Variants in MED22 observed in about 807,000 individuals in gnomAD.
The protein encoded by MED22 is mediator of RNA polymerase II transcription subunit 22.
Under a neutral mutation model 22.7 loss-of-function variants are expected in MED22, and 22 were observed. That is an observed-to-expected ratio of 0.97 (90% CI 0.69 to 1.38). The LOEUF (loss-of-function observed/expected upper bound fraction) is 1.38. Ranked by LOEUF, MED22 falls within the 40% of genes most tolerant of loss-of-function variation. MED22 has a pLI of 0.00. For missense variants in MED22, 247 were observed against 263.0 expected (o/e 0.94, Z 0.42); for synonymous variants, 134 against 119.4 (o/e 1.12, Z -0.80).
intron 4 of MED22, chr9:133,342,737 C>T (rs1050461361): frequency 2.0e-6 from 2 of 985,828 alleles, no homozygotes; most frequent in Non-Finnish European, 2.4e-6. Flanking sequence ...GGAGGGGACA[C>T]AGGCTGGCCT....
rs2119053555 is a variant in MED22 at position 133,339,527 on chromosome 9, CTATT to C, written c.*1974_*1977del. Reference sequence around the variant, plus strand: ...AGAAAAAAAATAGGCATTAAAAAAACTATTTGGGGAACAACTGAAGAAATCTGAA... The same window carrying C: ...AGAAAAAAAATAGGCATTAAAAAAACTGGGGAACAACTGAAGAAATCTGAA... On this transcript the variant is annotated 3_prime_UTR_variant, in exon 5 of 5. Coordinates refer to ENST00000343730, the MANE Select transcript of MED22 (RefSeq NM_133640.5). 3.6e-6 allele frequency: 2 copies of C among 557,854 alleles called. No homozygotes were observed. Among genetic ancestry groups the C allele is most frequent in the East Asian group, 7.1e-5 (2 of 28,316 alleles). The allele number at this position is 557,854 out of a possible 1,614,324, so 34.6% of individuals were successfully genotyped here. A position where few individuals can be genotyped will look rare whatever the true frequency, so the allele number is the denominator to read the frequency against.
chr9:133,346,250 T>A (rs1373107438), intron 2 of MED22, among the ~76,000 whole-genome samples: 1 of 152,154 alleles, frequency 6.6e-6, no homozygotes, highest in African/African-American at 2.4e-5. Flanking sequence ...ATTGGCTGTG[T>A]GCCAGGCCCC....
chr9:133,347,806 T>G, intron 1 of MED22, 116 bp downstream of exon 1: 1 of 207,860 alleles, frequency 4.8e-6, no homozygotes, highest in Non-Finnish European at 9.8e-6. Context: ...GTGTGGGAAA[T>G]AAGTCACACG....
intron 4 of MED22, chr9:133,343,106 GA>G (rs1427248567): frequency 9.9e-7 from 1 of 1,010,080 alleles, no homozygotes; most frequent in Non-Finnish European, 1.2e-6. Flanking sequence ...GAACCCCCTG[GA>G]AAACTCTAGG....
At chr9:133,346,050 A>G (rs1052787853) in intron 2 of MED22, among the ~76,000 whole-genome samples, 3 of 152,244 alleles carry the variant, frequency 2.0e-5, no homozygotes, top group African/African-American at 7.2e-5. Context: ...CACTAAGTAC[A>G]TGCTAGCTTC....
At chr9:133,347,862 C>G (rs1836240133) in intron 1 of MED22, 60 bp downstream of exon 1, 1 of 144,692 alleles carries the variant, frequency 6.9e-6, no homozygotes, top group African/African-American at 2.6e-5. Context: ...CCCACCCACC[C>G]CCACTCCCGC....
intron 2 of MED22, among the ~76,000 whole-genome samples, 187 bp from the exon 3 acceptor site, chr9:133,345,439 T>C (rs116144541): frequency 6.6e-6 from 1 of 152,138 alleles, no homozygotes; most frequent in African/African-American, 2.4e-5. Flanking sequence ...AATTCCACCC[T>C]CTCTTGTTCT....
Position 133,340,411 on chromosome 9 carries a change from C to T in MED22, c.*1094G>A, listed in dbSNP as rs1835973810. On this transcript the variant is annotated 3_prime_UTR_variant, in exon 5 of 5. Coordinates refer to ENST00000343730, the MANE Select transcript of MED22 (RefSeq NM_133640.5). ...GCCTCCCCCATGAGAAGATGAAGCA[C>T]ATGGATGGTGCTGGAGGAACTGGGG... is the stretch of plus-strand genomic sequence containing the variant. The T allele has an allele frequency of 6.6e-6, 1 of 152,198 alleles. No homozygotes were observed. The highest frequency in any genetic ancestry group is 1.5e-5 in the Non-Finnish European group (1 of 68,188). The allele number at this position is 152,198 out of a possible 1,614,324, so 9.4% of individuals were successfully genotyped here. A position where few individuals can be genotyped will look rare whatever the true frequency, so the allele number is the denominator to read the frequency against.
rs1835983100 is a variant in MED22 at position 133,340,860 on chromosome 9, A to G, written c.*645T>C. Reference sequence around the variant, plus strand: ...TGCTCGGACAACTGCTGGGAGACCAAGGATGGTCCTGGACTGACAAGGAAT... The same window carrying G: ...TGCTCGGACAACTGCTGGGAGACCAGGGATGGTCCTGGACTGACAAGGAAT... On this transcript the variant is annotated 3_prime_UTR_variant, in exon 5 of 5. Transcript: ENST00000343730. 6.6e-6 allele frequency: 1 copy of G among 152,344 alleles called. No individual in the cohort carries two copies. The highest frequency in any genetic ancestry group is 2.4e-5 in the African/African-American group (1 of 41,484). The allele number at this position is 152,344 out of a possible 1,614,324, so 9.4% of individuals were successfully genotyped here. A position where few individuals can be genotyped will look rare whatever the true frequency, so the allele number is the denominator to read the frequency against.
At position 133,343,797 on chromosome 9, in the gene MED22, C is replaced by T. The variant is rs190651732; in HGVS notation, c.413+328G>A. ...TAACAGGAGCAGCACAGCCCCAGAA[C>T]GCACTGCCCGAGGAGGAAGGCTCTC... On this transcript the variant is annotated intron_variant, in intron 4 of 4. Coordinates refer to ENST00000343730, the MANE Select transcript of MED22 (RefSeq NM_133640.5). The T allele has an allele frequency of 1.7e-5, 24 of 1,388,414 alleles. No individual in the cohort carries two copies. The Admixed American group carries it at 3.9e-4, about 22-fold the overall frequency. The allele number at this position is 1,388,414 out of a possible 1,614,324, so 86.0% of individuals were successfully genotyped here.
chr9:133,347,576 C>T (rs1462048277), intron 1 of MED22: 1 of 152,332 alleles, frequency 6.6e-6, no homozygotes, highest in Non-Finnish European at 1.5e-5. Context: ...CATGGTTCCC[C>T]GGTGCGCCGG....
At chr9:133,342,577 G>A in intron 4 of MED22, 2 of 986,490 alleles carry the variant, frequency 2.0e-6, no homozygotes, top group Non-Finnish European at 1.2e-6. Flanking sequence ...AGGGAGCGGA[G>A]CGCCCTTTGG....
intron 2 of MED22, 88 bp from the exon 3 acceptor site, chr9:133,345,340 A>C: frequency 7.6e-7 from 1 of 1,310,388 alleles, no homozygotes; most frequent in Non-Finnish European, 1.1e-6. Flanking sequence ...GGTAACTGTC[A>C]TCTACCCAGG....
rs200758209 is a variant in MED22, at chr9:133,341,602, G to C, written c.506C>G (p.Pro169Arg). Reference sequence around the variant, plus strand: ...ACTGGGCTCCGGGGACGCCAGCAGAGGGGCCGAGAGGCCATCAGCAGAGTC... The same window carrying C: ...ACTGGGCTCCGGGGACGCCAGCAGACGGGCCGAGAGGCCATCAGCAGAGTC... ...DTDSADGLSAPLLASPEPSAG... is the reference protein window; with the variant it reads ...DTDSADGLSARLLASPEPSAG... Residue 169 changes from proline (P) to arginine (R), a missense_variant, in exon 5 of 5, where the codon CCT becomes CGT. Physicochemically the swap from Pro to Arg is moderately radical, Grantham distance 103 (BLOSUM62 -2). Transcript: ENST00000343730. The C allele has an allele frequency of 1.3e-5, 20 of 1,588,840 alleles. No individual in the cohort carries two copies. The highest frequency in any genetic ancestry group is 1.8e-5 in the Admixed American group (1 of 54,544).
rs2129956885 is a variant in MED22 at position 133,343,475 on chromosome 9, T to C, written c.413+650A>G. 7.3e-6 allele frequency: 9 copies of C among 1,231,342 alleles called. No homozygotes were observed. In the African/African-American group the frequency reaches 9.3e-5, roughly 13 times the overall value. 76.3% of individuals were successfully genotyped at this position (1,231,342 alleles called of 1,614,324 possible). ...CGGAGCCCCACAAGGGTCAGGATGA[T>C]GGGTTTTGACCCTTCTGCATCCCTG... On this transcript the variant is annotated intron_variant, in intron 4 of 4. Transcript: ENST00000343730.
At position 133,342,256 on chromosome 9, in the gene MED22, G is replaced by A. The variant is rs2129952598; in HGVS notation, c.414-562C>T. 1.8e-5 allele frequency: 18 copies of A among 986,074 alleles called. No homozygotes were observed. In the Admixed American group the frequency reaches 2.5e-4, roughly 13 times the overall value. The allele number at this position is 986,074 out of a possible 1,614,324, so 61.1% of individuals were successfully genotyped here. A position where few individuals can be genotyped will look rare whatever the true frequency, so the allele number is the denominator to read the frequency against. On this transcript the variant is annotated intron_variant, in intron 4 of 4. Transcript: ENST00000343730. ...CAGCAGGCGTCCCCACCTCTAACAC[G>A]GGGAATCCTCACGGCAGCCAGGATG...
At position 133,340,791 on chromosome 9, in the gene MED22, G is replaced by A. The variant is rs991484891; in HGVS notation, c.*714C>T. The A allele has an allele frequency of 1.3e-5, 2 of 152,360 alleles. No individual in the cohort carries two copies. The highest frequency in any genetic ancestry group is 3.8e-4 in the East Asian group (2 of 5,202). 9.4% of individuals were successfully genotyped at this position (152,360 alleles called of 1,614,324 possible). The stretch of plus-strand genomic sequence containing the variant: ...GACCTACCAGGTGCCAATGAGGAGA[G>A]AGTGACCTTGGGCCAGGCTGTCCAG... On this transcript the variant is annotated 3_prime_UTR_variant, in exon 5 of 5. Coordinates refer to ENST00000343730, the MANE Select transcript of MED22 (RefSeq NM_133640.5).
chr9:133,341,477 C>T lies in MED22; in HGVS notation c.*28G>A, dbSNP rs1432454178. 2.0e-6 allele frequency: 3 copies of T among 1,465,206 alleles called. No individual in the cohort carries two copies. The highest frequency in any genetic ancestry group is 2.7e-5 in the East Asian group (1 of 37,182). 90.8% of individuals were successfully genotyped at this position (1,465,206 alleles called of 1,614,324 possible). Reference sequence around the variant, plus strand: ...CCAAAGGGCTGCCTCAGGTTTTGTTCCTGAGAACGAAGCGTGGCCCCGGAG... The same window carrying T: ...CCAAAGGGCTGCCTCAGGTTTTGTTTCTGAGAACGAAGCGTGGCCCCGGAG... On this transcript the variant is annotated 3_prime_UTR_variant, in exon 5 of 5. Transcript: ENST00000343730.
chr9:133,345,171 C>T lies in MED22; in HGVS notation c.204+1G>A, dbSNP rs2129964008. On this transcript the variant is annotated splice_donor_variant, in intron 3 of 4. Transcript: ENST00000343730. LOFTEE classifies it high-confidence loss of function. Reference sequence around the variant, plus strand: ...CCGTGCCCTCCACCCTGGCCACTCACGATGTTGGCGGCTCGCACATGCATC... The same window carrying T: ...CCGTGCCCTCCACCCTGGCCACTCATGATGTTGGCGGCTCGCACATGCATC... The T allele has an allele frequency of 1.9e-5, 30 of 1,613,782 alleles. No individual in the cohort carries two copies. The highest frequency in any genetic ancestry group is 2.3e-5 in the Non-Finnish European group (27 of 1,180,010).
Sources: allele counts gnomAD v4.1 joint callset (sites outside exome capture counted in the v4.1 genomes callset), GRCh38; gene constraint gnomAD v4.1.1; transcripts MANE v1.5; gene names NCBI Gene and HGNC (gene_info 2026-07-23, HGNC 2026-07-21).